Variants in EXD3 observed in about 807,000 individuals in gnomAD.
The protein encoded by EXD3 is exonuclease mut-7 homolog.
A neutral mutation model predicts 98.0 loss-of-function variants in EXD3; 92 were observed. That is an observed-to-expected ratio of 0.94 (90% CI 0.79 to 1.12). EXD3 has a LOEUF of 1.12. Among genes scored for constraint, EXD3 ranks in the 50% most tolerant of loss-of-function variants. EXD3 has a pLI of 0.00. For missense variants in EXD3, 1,222 were observed against 1,191.6 expected (o/e 1.03, Z -0.38); for synonymous variants, 569 against 526.0 (o/e 1.08, Z -1.12).
intron 17 of EXD3, among the ~76,000 whole-genome samples, chr9:137,332,609 C>T (rs146978631): frequency 3.0e-3 from 461 of 151,834 alleles, no homozygotes; most frequent in African/African-American, 0.011. Context: ...TTTGGGAGGC[C>T]AAGGCGGGCA....
rs201647114 is a variant in EXD3 at position 137,352,251 on chromosome 9, A to C, written c.1038-50T>G. The C allele has an allele frequency of 4.1e-4, 662 of 1,607,212 alleles. 2 individuals are homozygous for C. The African/African-American group carries it at 7.9e-3, about 19-fold the overall frequency. Reference sequence around the variant, plus strand: ...CCCCCATGTCCCTGGTCCCCCACCCACTCTGACCTCGGAGCAGGAGGGGAG... The same window carrying C: ...CCCCCATGTCCCTGGTCCCCCACCCCCTCTGACCTCGGAGCAGGAGGGGAG... On this transcript the variant is annotated intron_variant, in intron 11 of 21. Coordinates refer to ENST00000340951, the MANE Select transcript of EXD3 (RefSeq NM_017820.5).
intron 1 of EXD3, among the ~76,000 whole-genome samples, chr9:137,419,955 C>G (rs7390690): frequency 5.9e-5 from 9 of 151,790 alleles, no homozygotes; most frequent in East Asian, 3.9e-4. Context: ...GTCAGGAGAT[C>G]GAGACCATCC....
intron 2 of EXD3, among the ~76,000 whole-genome samples, chr9:137,388,377 C>T (rs1005405915): frequency 1.3e-5 from 2 of 152,224 alleles, no homozygotes; most frequent in Admixed American, 6.5e-5. Flanking sequence ...GTTGCAGGGA[C>T]GCAGGATGGG....
rs1226005282 is a variant in EXD3, at chr9:137,385,353, T to C, written c.56-1976A>G. 6.6e-6 allele frequency among the ~76,000 whole-genome samples: 1 copy of C among 150,534 alleles called. No individual in the cohort carries two copies. The highest frequency in any genetic ancestry group is 1.5e-5 in the Non-Finnish European group (1 of 67,612). Reference sequence around the variant, plus strand: ...CACCACGTGGCCATGGCAGGCAGTGTGACTGGCCCCGCATTCTGGGTGCTG... The same window carrying C: ...CACCACGTGGCCATGGCAGGCAGTGCGACTGGCCCCGCATTCTGGGTGCTG... On this transcript the variant is annotated intron_variant, in intron 2 of 21. Transcript: ENST00000340951. This position sits in a 1 kb window ranked among gnomAD's most constrained non-coding sequence, Gnocchi z 4.4.
rs897168464 is a variant in EXD3 at position 137,382,617 on chromosome 9, C to T, written c.120+696G>A. Among the ~76,000 whole-genome samples the T allele has an allele frequency of 2.0e-5, 3 of 152,202 alleles. No individual in the cohort carries two copies. In the South Asian group the frequency reaches 6.2e-4, roughly 31 times the overall value. On this transcript the variant is annotated intron_variant, in intron 3 of 21. Transcript: ENST00000340951. ...GAGGTGGGTGCAGGAGAGAGGCAGA[C>T]ACAGGAGCAGGCAGCGCCAGGGCTG...
chr9:137,400,942 G>A (rs893714782), intron 1 of EXD3, among the ~76,000 whole-genome samples: 10 of 151,958 alleles, frequency 6.6e-5, no homozygotes, highest in African/African-American at 9.7e-5. Flanking sequence ...CATGGTCTTG[G>A]GCAGCTCCAC....
chr9:137,368,073 C>T, intron 5 of EXD3, 84 bp from the exon 6 acceptor site: 1 of 1,134,498 alleles, frequency 8.8e-7, no homozygotes, highest in Non-Finnish European at 1.3e-6. Context: ...CACCCTTTTG[C>T]ACCAGCACCT....
intron 19 of EXD3, among the ~76,000 whole-genome samples, chr9:137,319,438 G>A (rs779883784): frequency 1.4e-4 from 21 of 152,206 alleles, no homozygotes; most frequent in Non-Finnish European, 2.6e-4. Flanking sequence ...TGGGGTGGCC[G>A]ATCAGTGGTG....
intron 5 of EXD3, among the ~76,000 whole-genome samples, 180 bp from the exon 6 acceptor site, chr9:137,368,169 C>T (rs767415019): frequency 6.6e-6 from 1 of 152,348 alleles, no homozygotes; most frequent in African/African-American, 2.4e-5. Flanking sequence ...GACAAGCCCC[C>T]CCGTGCTGAG....
rs1267524822 is a variant in EXD3 at position 137,323,744 on chromosome 9, T to A, written c.2165A>T (p.Asp722Val). 1.4e-5 allele frequency: 23 copies of A among 1,612,168 alleles called. No individual in the cohort carries two copies. Among genetic ancestry groups the A allele is most frequent in the Non-Finnish European group, 1.9e-5 (22 of 1,179,678 alleles). The change falls in exon 19 of 22, where the codon GAC becomes GTC. Residue 722 changes from aspartate (D) to valine (V), a missense_variant. Coordinates refer to ENST00000340951, the MANE Select transcript of EXD3 (RefSeq NM_017820.5). ...KHFNVRVTHA[D>V]IFSRCQACNC... is the part of the protein sequence containing the mutation. ...ACCCACCTGGCAGCGGCTGAAGATGTCTGCGTGGGTGACACGCACGTTGAA... is the reference window on the plus strand; with the variant it reads ...ACCCACCTGGCAGCGGCTGAAGATGACTGCGTGGGTGACACGCACGTTGAA...
chr9:137,396,579 C>T (rs7043936), intron 1 of EXD3, among the ~76,000 whole-genome samples: 53,925 of 152,058 alleles, frequency 0.35, 10,369 homozygotes, highest in Non-Finnish European at 0.43. Flanking sequence ...ACATTACTGA[C>T]AGCTCCGCCC....
intron 17 of EXD3, among the ~76,000 whole-genome samples, chr9:137,330,728 A>G (rs1588276657): frequency 6.6e-6 from 1 of 152,332 alleles, no homozygotes; most frequent in Non-Finnish European, 1.5e-5. Context: ...TAGAGCTACA[A>G]GAATAAACCC....
In EXD3 at chr9:137,393,719, C is replaced by T. The variant is rs1837061082; in HGVS notation, c.55+1584G>A. Among the ~76,000 whole-genome samples, 1 of 152,138 alleles carries T rather than the reference C, an allele frequency of 6.6e-6. No individual in the cohort carries two copies. ...AGCCTCAGCTGCTGCCATGTGGGAG[C>T]AGGGCTTTCACAGAGGGGAGGGCCA... On this transcript the variant is annotated intron_variant, in intron 2 of 21. Coordinates refer to ENST00000340951, the MANE Select transcript of EXD3 (RefSeq NM_017820.5). This position sits in a 1 kb window ranked among gnomAD's most constrained non-coding sequence, Gnocchi z 4.6.
chr9:137,400,314 G>T (rs1005961160), intron 1 of EXD3, among the ~76,000 whole-genome samples: 2 of 152,124 alleles, frequency 1.3e-5, no homozygotes, highest in African/African-American at 4.8e-5. Flanking sequence ...CTTCCCAACA[G>T]TCCCTCAAAG....
rs1037786842 is a variant in EXD3, at chr9:137,347,683, A to T, written c.1998+388T>A. ...GGTCTCCAACTCCTGGCCTCAAGTG[A>T]TCCACCCACCTCGGCCTCCCAAGGT... On this transcript the variant is annotated intron_variant, in intron 17 of 21. Transcript: ENST00000340951. The surrounding 1 kb of genome is among the most constrained non-coding windows in gnomAD (Gnocchi z 4.2). Among the ~76,000 whole-genome samples, 9 of 151,852 alleles carry T rather than the reference A, an allele frequency of 5.9e-5. No individual in the cohort carries two copies. Among genetic ancestry groups the T allele is most frequent in the African/African-American group, 1.9e-4 (8 of 41,306 alleles).
rs1039986430 is a variant in EXD3 at position 137,349,646 on chromosome 9, A to G, written c.1495-115T>C. 222 of 1,107,450 alleles carry G rather than the reference A, an allele frequency of 2.0e-4. No individual in the cohort carries two copies. The highest frequency in any genetic ancestry group is 2.6e-4 in the Non-Finnish European group (215 of 817,060). 68.6% of individuals were successfully genotyped at this position (1,107,450 alleles called of 1,614,324 possible). On this transcript the variant is annotated intron_variant, in intron 14 of 21. Coordinates refer to ENST00000340951, the MANE Select transcript of EXD3 (RefSeq NM_017820.5). This position sits in a 1 kb window ranked among gnomAD's most constrained non-coding sequence, Gnocchi z 7.4. ...TGGAGGAGGCCCCGCCCCCTCCACC[A>G]GCGGCCCCCACAGCAGAGACGGGGA...
At chr9:137,326,100 C>G in intron 17 of EXD3, among the ~76,000 whole-genome samples, 1 of 150,408 alleles carries the variant, frequency 6.6e-6, no homozygotes, top group Non-Finnish European at 1.5e-5. Flanking sequence ...AAAAAAGACT[C>G]TTAGAAGAAG....
intron 5 of EXD3, among the ~76,000 whole-genome samples, chr9:137,372,457 C>T (rs979045081): frequency 1.3e-5 from 2 of 152,208 alleles, no homozygotes; most frequent in African/African-American, 2.4e-5. Context: ...ACTGCCGTGC[C>T]GGGGACTCAG....
At position 137,309,700 on chromosome 9, in the gene EXD3, C is replaced by G; in HGVS notation, c.2185G>C (p.Ala729Pro). The change falls in exon 20 of 22, where the codon GCC becomes CCC. Residue 729 changes from alanine (A) to proline (P), a missense_variant and splice_region_variant. Physicochemically the swap from Ala to Pro is conservative, Grantham distance 27. Transcript: ENST00000340951. ...TTTAGGTACTGGTCACAGTTACAGG[C>G]CTGGGGGCCAGAGGGGGTGCTGAGG... ...THADIFSRCQACNCDQYLKVS... is the reference protein window; with the variant it reads ...THADIFSRCQPCNCDQYLKVS... The G allele has an allele frequency of 6.4e-7, 1 of 1,552,568 alleles. No individual in the cohort carries two copies. The highest frequency in any genetic ancestry group is 8.7e-7 in the Non-Finnish European group (1 of 1,148,176).
Sources: allele counts gnomAD v4.1 joint callset (sites outside exome capture counted in the v4.1 genomes callset), GRCh38; gene constraint gnomAD v4.1.1; non-coding constraint Gnocchi (gnomAD v3.1); transcripts MANE v1.5; gene names NCBI Gene and HGNC (gene_info 2026-07-23, HGNC 2026-07-21).